The following TAB2 variants were observed in gnomAD, a reference collection of about 807,000 sequenced individuals.
TAB2 encodes TGF-beta-activated kinase 1 and MAP3K7-binding protein 2.
In TAB2, 3 loss-of-function variants were observed where a neutral mutation model predicts 65.0. The ratio of observed to expected loss-of-function variants is 0.05; its 90% confidence interval spans 0.02 to 0.12. TAB2 has a LOEUF of 0.12. Among genes scored for constraint, TAB2 ranks in the 10% least tolerant of loss-of-function variants. The pLI is 1.00. For missense variants in TAB2, 623 were observed against 840.3 expected (o/e 0.74, Z 3.20); for synonymous variants, 298 against 285.1 (o/e 1.05, Z -0.46).
intron 1 of TAB2, among the ~76,000 whole-genome samples, chr6:149,290,924 T>C (rs776450279): frequency 5.9e-5 from 9 of 152,238 alleles, no homozygotes; most frequent in South Asian, 2.1e-4. Flanking sequence ...AACGAATGAA[T>C]TATTTCAGTT....
upstream of TAB2, chr6:149,218,550 T>C (rs1777070525): frequency 5.2e-6 from 1 of 190,650 alleles, no homozygotes; most frequent in Non-Finnish European, 1.1e-5. Context: ...AAAGGAGCTG[T>C]CCTCTTAGAA....
Position 149,373,140 on chromosome 6 carries a change from A to G in TAB2, c.102+3041A>G, listed in dbSNP as rs531392710. On this transcript the variant is annotated intron_variant, in intron 2 of 6. Coordinates refer to ENST00000637181, the MANE Select transcript of TAB2 (RefSeq NM_001292034.3). ...TGCTGTGAATTCTGTAAGATAACTT[A>G]TAACCAGCAGGTGTAATTTATATCT... is the stretch of plus-strand genomic sequence containing the variant. Among the ~76,000 whole-genome samples, 37 of 152,330 alleles carry G rather than the reference A, an allele frequency of 2.4e-4. 2 individuals carry two copies. In the South Asian group the frequency reaches 7.7e-3, roughly 32 times the overall value.
intron 1 of TAB2, among the ~76,000 whole-genome samples, chr6:149,302,755 T>C (rs1456370411): frequency 6.6e-6 from 1 of 152,174 alleles, no homozygotes; most frequent in Non-Finnish European, 1.5e-5. Context: ...TATCTATCTA[T>C]CTCCCAGCCT....
upstream of TAB2, among the ~76,000 whole-genome samples, chr6:149,314,299 C>G (rs1290873002): frequency 6.6e-6 from 1 of 152,176 alleles, no homozygotes; most frequent in Non-Finnish European, 1.5e-5. Context: ...ATCATTTGTT[C>G]ATGTTGTCTT....
intron 1 of TAB2, among the ~76,000 whole-genome samples, chr6:149,323,916 T>TA (rs1298694815): frequency 1.4e-4 from 5 of 36,000 alleles, no homozygotes; most frequent in Admixed American, 9.6e-4. Flanking sequence ...TATACTCTTG[T>TA]AATTTTTTTT....
chr6:149,401,349 G>T (rs890956240), intron 6 of TAB2: 4 of 163,700 alleles, frequency 2.4e-5, no homozygotes, highest in Non-Finnish European at 5.9e-5. Context: ...GACACACATA[G>T]GCAGAAAGTG....
At chr6:149,242,281 G>A (rs1777614347) in intron 1 of TAB2, among the ~76,000 whole-genome samples, 1 of 152,008 alleles carries the variant, frequency 6.6e-6, no homozygotes, top group African/African-American at 2.4e-5. Flanking sequence ...TTTTTCCACA[G>A]GAATATAATA....
intron 2 of TAB2, among the ~76,000 whole-genome samples, chr6:149,373,977 T>C (rs764234512): frequency 2.0e-5 from 3 of 152,182 alleles, no homozygotes; most frequent in Non-Finnish European, 4.4e-5. Context: ...CCCAGTAACT[T>C]GAAGAGGGGA....
intron 1 of TAB2, among the ~76,000 whole-genome samples, chr6:149,325,597 A>C (rs926839928): frequency 3.3e-5 from 5 of 152,206 alleles, no homozygotes; most frequent in African/African-American, 9.7e-5. Flanking sequence ...ATTAGTCCAC[A>C]AATCTATAAT....
At chr6:149,268,904 C>T (rs778175656) in intron 1 of TAB2, among the ~76,000 whole-genome samples, 1 of 152,160 alleles carries the variant, frequency 6.6e-6, no homozygotes, top group Non-Finnish European at 1.5e-5. Context: ...CGATCTTTTT[C>T]ATATCAAATT....
intron 1 of TAB2, among the ~76,000 whole-genome samples, chr6:149,275,300 G>GAAAAAGAAAA (rs1223068467): frequency 7.8e-6 from 1 of 128,302 alleles, no homozygotes; most frequent in Non-Finnish European, 1.7e-5. Context: ...AAGAAAGAAA[G>GAAAAAGAAAA]AGAAAAAAGA....
At chr6:149,334,252 T>TGTGTCA (rs1424955506) in intron 1 of TAB2, among the ~76,000 whole-genome samples, 1 of 152,210 alleles carries the variant, frequency 6.6e-6, no homozygotes, top group Non-Finnish European at 1.5e-5. Context: ...CATTATTCCC[T>TGTGTCA]GTGTCAGTGT....
chr6:149,250,180 A>G (rs1777829318), intron 1 of TAB2, among the ~76,000 whole-genome samples: 1 of 152,326 alleles, frequency 6.6e-6, no homozygotes, highest in East Asian at 1.9e-4. Context: ...GAAACAGCAC[A>G]GAATAGGCCC....
chr6:149,297,091 C>CTTCT (rs1259257087), intron 1 of TAB2, among the ~76,000 whole-genome samples: 1 of 151,790 alleles, frequency 6.6e-6, no homozygotes, highest in Admixed American at 6.6e-5. Flanking sequence ...CTCCTCCTCC[C>CTTCT]TCCTTCCTTC....
chr6:149,256,318 G>A (rs1001780783), intron 1 of TAB2, among the ~76,000 whole-genome samples: 1 of 152,124 alleles, frequency 6.6e-6, no homozygotes, highest in Non-Finnish European at 1.5e-5. Context: ...AATTGTATGG[G>A]TGGAATGTAT....
chr6:149,220,412 A>G (rs930985922), intron 1 of TAB2, among the ~76,000 whole-genome samples: 5 of 152,204 alleles, frequency 3.3e-5, no homozygotes, highest in African/African-American at 9.6e-5. Context: ...ATATTTCACT[A>G]TGAATACACA....
At chr6:149,318,114 C>T (rs1171505630) in intron 1 of TAB2, 99 bp downstream of exon 1, 2 of 154,192 alleles carry the variant, frequency 1.3e-5, no homozygotes, top group Non-Finnish European at 2.9e-5. Context: ...TCTGCCGCCT[C>T]GCGAGGCCCG....
At chr6:149,333,217 G>A (rs1236885495) in intron 1 of TAB2, among the ~76,000 whole-genome samples, 1 of 152,184 alleles carries the variant, frequency 6.6e-6, no homozygotes, top group Non-Finnish European at 1.5e-5. Flanking sequence ...GGTTGTGGTT[G>A]AATGTCTTTC....
chr6:149,315,843 C>A (rs1779239209), upstream of TAB2, among the ~76,000 whole-genome samples: 1 of 152,146 alleles, frequency 6.6e-6, no homozygotes, highest in Admixed American at 6.5e-5. Flanking sequence ...ACCTTCTTTG[C>A]CCCCCACTGG....
Sources: gnomAD v4.1 joint callset for allele counts (sites outside exome capture counted in the v4.1 genomes callset) on GRCh38, gnomAD v4.1.1 for gene constraint, MANE v1.5 for transcripts, NCBI Gene and HGNC (gene_info 2026-07-23, HGNC 2026-07-21) for gene names.